CNTN5: variants seen among roughly 807,000 people sequenced by gnomAD.
The protein encoded by CNTN5 is contactin 5.
In CNTN5, 77 loss-of-function variants were observed where a neutral mutation model predicts 129.1. The ratio of observed to expected loss-of-function variants is 0.60; its 90% CI spans 0.50 to 0.72. CNTN5 has a LOEUF of 0.72. CNTN5 is among the 30% of genes least tolerant of loss of function. The pLI is 0.00. For synonymous variants in CNTN5, 509 were observed against 465.6 expected (o/e 1.09, Z -1.20); for missense variants, 1,478 against 1,328.8 (o/e 1.11, Z -1.75).
At chr11:99,848,031 T>G (rs572647970) in intron 6 of CNTN5, among the ~76,000 whole-genome samples, 156 of 152,076 alleles carry the variant, frequency 1.0e-3, no homozygotes, top group Middle Eastern at 3.4e-3. Context: ...GCGAACACGG[T>G]GAAACCCATC....
At chr11:99,824,022 G>C (rs918953877) in intron 4 of CNTN5, among the ~76,000 whole-genome samples, 1 of 151,908 alleles carries the variant, frequency 6.6e-6, no homozygotes, top group Non-Finnish European at 1.5e-5. Context: ...TTCCTGTAAA[G>C]CATACCACAC....
chr11:100,246,500 T>C (rs945931513), intron 16 of CNTN5, among the ~76,000 whole-genome samples: 1 of 152,158 alleles, frequency 6.6e-6, no homozygotes, highest in African/African-American at 2.4e-5. Context: ...GAAGTTGAAA[T>C]TCAGTAGCTC....
At chr11:99,413,457 A>T (rs970750103) in intron 2 of CNTN5, among the ~76,000 whole-genome samples, 9 of 152,032 alleles carry the variant, frequency 5.9e-5, no homozygotes, top group Non-Finnish European at 1.2e-4. Context: ...TGTCTCTACT[A>T]AAAATACAAA....
At chr11:99,729,650 C>G (rs1943463817) in intron 3 of CNTN5, among the ~76,000 whole-genome samples, 1 of 152,130 alleles carries the variant, frequency 6.6e-6, no homozygotes, top group Non-Finnish European at 1.5e-5. Flanking sequence ...GGAACCAACC[C>G]AATGTCTATC....
chr11:99,802,559 G>A (rs964865241), intron 3 of CNTN5, among the ~76,000 whole-genome samples: 28 of 152,272 alleles, frequency 1.8e-4, no homozygotes, highest in Admixed American at 9.8e-4. Context: ...GGTTGGAGTC[G>A]GGGGTTGGAA....
chr11:100,222,328 C>T lies in CNTN5; in HGVS notation c.1885-2364C>T, dbSNP rs11223294. 5.2e-3 allele frequency among the ~76,000 whole-genome samples: 790 copies of T among 152,246 alleles called. 7 individuals are homozygous for T. The highest frequency in any genetic ancestry group is 0.018 in the African/African-American group (729 of 41,546). On this transcript the variant is annotated intron_variant, in intron 15 of 24. Transcript: ENST00000524871. Reference sequence around the variant, plus strand: ...ATTTCAAGAACCAAGTAAAGGACAACATAGAAAAGATAATCTATATCTCGC... The same window carrying T: ...ATTTCAAGAACCAAGTAAAGGACAATATAGAAAAGATAATCTATATCTCGC...
chr11:99,320,041 A>G (rs557209402), intron 1 of CNTN5, among the ~76,000 whole-genome samples: 1 of 152,236 alleles, frequency 6.6e-6, no homozygotes, highest in East Asian at 1.9e-4. Context: ...GGAGTTCGAG[A>G]CCAGCCTGGC....
chr11:99,683,350 A>C (rs949977057), intron 3 of CNTN5, among the ~76,000 whole-genome samples: 1 of 151,924 alleles, frequency 6.6e-6, no homozygotes, highest in African/African-American at 2.4e-5. Context: ...TATGTTTTCC[A>C]TATGGATATG....
intron 3 of CNTN5, among the ~76,000 whole-genome samples, chr11:99,611,436 A>G (rs1189565836): frequency 6.6e-6 from 1 of 152,216 alleles, no homozygotes; most frequent in African/African-American, 2.4e-5. Flanking sequence ...AAGACGTACA[A>G]TTAATCACAG....
At chr11:99,880,089 A>G (rs966521904) in intron 6 of CNTN5, among the ~76,000 whole-genome samples, 1 of 152,240 alleles carries the variant, frequency 6.6e-6, no homozygotes, top group Non-Finnish European at 1.5e-5. Context: ...TTGAAGAAGT[A>G]AACTGTATAT....
At chr11:100,257,422 G>C (rs10894668) in intron 17 of CNTN5, among the ~76,000 whole-genome samples, 33,135 of 152,122 alleles carry the variant, frequency 0.22, 4,318 homozygotes, top group East Asian at 0.6. Context: ...TCCCAGCGCA[G>C]CGCTCAAGCC....
At chr11:99,966,734 G>A (rs1951104400) in intron 8 of CNTN5, among the ~76,000 whole-genome samples, 1 of 152,152 alleles carries the variant, frequency 6.6e-6, no homozygotes, top group African/African-American at 2.4e-5. Context: ...CATTTTCACA[G>A]CCCTAGCACA....
At chr11:99,319,201 G>C (rs998983832) in intron 1 of CNTN5, among the ~76,000 whole-genome samples, 1 of 152,202 alleles carries the variant, frequency 6.6e-6, no homozygotes, top group Non-Finnish European at 1.5e-5. Flanking sequence ...ATGTGTGTAA[G>C]TATGGAGTCT....
At chr11:99,818,386 A>G (rs1946663008) in intron 3 of CNTN5, among the ~76,000 whole-genome samples, 1 of 151,966 alleles carries the variant, frequency 6.6e-6, no homozygotes, top group South Asian at 2.1e-4. Flanking sequence ...TTCCCCAGTA[A>G]CTGGAGCTAC....
chr11:99,126,409 T>C (rs1486825101), intron 1 of CNTN5, among the ~76,000 whole-genome samples: 1 of 152,076 alleles, frequency 6.6e-6, no homozygotes, highest in Non-Finnish European at 1.5e-5. Context: ...TTATTAGGAG[T>C]GTGACTAAAG....
chr11:99,201,435 C>T (rs60672668), intron 1 of CNTN5, among the ~76,000 whole-genome samples: 3,309 of 148,120 alleles, frequency 0.022, 50 homozygotes, highest in Middle Eastern at 0.038. Context: ...TCCTTCCTTC[C>T]TTTCTTCCTT....
At position 99,400,323 on chromosome 11, in the gene CNTN5, C is replaced by T. The variant is rs572917803; in HGVS notation, c.-71+74839C>T. ...TCGCTTAACATAATGAACTCCAGTT[C>T]ATTATGAACGGAATGAACAATAGAA... On this transcript the variant is annotated intron_variant, in intron 2 of 24. Coordinates refer to ENST00000524871, the MANE Select transcript of CNTN5 (RefSeq NM_014361.4). Among the ~76,000 whole-genome samples the T allele has an allele frequency of 4.6e-5, 7 of 152,174 alleles. No individual in the cohort carries two copies. In the South Asian group the frequency reaches 1.2e-3, roughly 27 times the overall value.
chr11:99,133,615 C>CTCAAAAAA (rs879283937), intron 1 of CNTN5, among the ~76,000 whole-genome samples: 1 of 105,998 alleles, frequency 9.4e-6, no homozygotes, highest in African/African-American at 3.7e-5. Context: ...AGACACTTCT[C>CTCAAAAAA]AAGAAAAAAA....
At chr11:100,151,307 C>T (rs189843286) in intron 13 of CNTN5, among the ~76,000 whole-genome samples, 65 of 151,930 alleles carry the variant, frequency 4.3e-4, no homozygotes, top group African/African-American at 1.4e-3. Context: ...TATTACATAC[C>T]ATGTTCCAGG....
Sources: allele counts gnomAD v4.1 joint callset (sites outside exome capture counted in the v4.1 genomes callset), GRCh38; gene constraint gnomAD v4.1.1; transcripts MANE v1.5; gene names NCBI Gene and HGNC (gene_info 2026-07-23, HGNC 2026-07-21).